The following RUFY3 variants were observed in gnomAD, a reference collection of about 807,000 sequenced individuals.
RUFY3 encodes protein RUFY3.
In RUFY3, 34 loss-of-function variants were observed where a neutral mutation model predicts 84.0. The ratio of observed to expected loss-of-function variants is 0.40; its 90% CI spans 0.31 to 0.54. The LOEUF (loss-of-function observed/expected upper bound fraction) is 0.54, where lower values mean the gene tolerates loss of function less well. Among genes scored for constraint, RUFY3 ranks in the 20% least tolerant of loss-of-function variants. The pLI is 0.39. For missense variants in RUFY3, 507 were observed against 736.8 expected (o/e 0.69, Z 3.61); for synonymous variants, 242 against 252.9 (o/e 0.96, Z 0.41).
At chr4:70,771,042 A>G (rs1421279204) in intron 5 of RUFY3, among the ~76,000 whole-genome samples, 1 of 152,170 alleles carries the variant, frequency 6.6e-6, no homozygotes, top group East Asian at 1.9e-4. Flanking sequence ...TTGCCATCTT[A>G]TATGGGCGTA....
In RUFY3 at chr4:70,778,454, G is replaced by T. The variant is rs16845439; in HGVS notation, c.894+16G>T. 68,364 of 1,465,494 alleles carry T rather than the reference G, an allele frequency of 0.047. 3,009 individuals carry two copies. The highest frequency in any genetic ancestry group is 0.21 in the East Asian group (9,216 of 43,810). The allele number at this position is 1,465,494 out of a possible 1,614,324, so 90.8% of individuals were successfully genotyped here. On this transcript the variant is annotated intron_variant, in intron 8 of 17. Coordinates refer to ENST00000381006, the MANE Select transcript of RUFY3 (RefSeq NM_001037442.4). ...GACAGAGGAGGTAAGTTTTGGAAAT[G>T]CTTTGATTGACTTATAGAATTTAAT...
At chr4:70,750,340 G>A (rs1215855280) in intron 1 of RUFY3, among the ~76,000 whole-genome samples, 2 of 152,234 alleles carry the variant, frequency 1.3e-5, no homozygotes, top group Middle Eastern at 3.4e-3. Context: ...CTCAGCACCT[G>A]TAAATCCTTC....
chr4:70,788,284 CAA>C (rs11358761), intron 10 of RUFY3, among the ~76,000 whole-genome samples: 20 of 120,532 alleles, frequency 1.7e-4, no homozygotes, highest in Admixed American at 3.5e-4. Flanking sequence ...GACTCTGTCT[CAA>C]AAAAAAAAAA....
At chr4:70,747,641 C>T (rs1722442527) in intron 1 of RUFY3, among the ~76,000 whole-genome samples, 1 of 152,198 alleles carries the variant, frequency 6.6e-6, no homozygotes, top group Non-Finnish European at 1.5e-5. Flanking sequence ...AGCATCTTTT[C>T]TCATAACTGC....
intron 1 of RUFY3, among the ~76,000 whole-genome samples, chr4:70,752,524 G>A (rs940717787): frequency 1.3e-5 from 2 of 152,108 alleles, no homozygotes; most frequent in South Asian, 2.1e-4. Context: ...TCAGTCTTTT[G>A]CCATCAAGTT....
intron 1 of RUFY3, among the ~76,000 whole-genome samples, chr4:70,711,024 AC>A (rs1740925002): frequency 6.9e-6 from 1 of 145,752 alleles, no homozygotes; most frequent in African/African-American, 2.5e-5. Flanking sequence ...AAGATCCGCC[AC>A]TACACTCCAG....
rs181163712 is a variant in RUFY3, at chr4:70,786,638, C to G, written c.1071+1759C>G. Among the ~76,000 whole-genome samples, 12 of 152,088 alleles carry G rather than the reference C, an allele frequency of 7.9e-5. No individual in the cohort carries two copies. In the East Asian group the frequency reaches 1.7e-3, roughly 22 times the overall value. ...GGTCATTACACAATTTTTATATTATCAAAACATCATGTTCTATACCATAAA... is the reference window on the plus strand; with the variant it reads ...GGTCATTACACAATTTTTATATTATGAAAACATCATGTTCTATACCATAAA... On this transcript the variant is annotated intron_variant, in intron 10 of 17. Coordinates refer to ENST00000381006, the MANE Select transcript of RUFY3 (RefSeq NM_001037442.4).
intron 1 of RUFY3, among the ~76,000 whole-genome samples, chr4:70,725,132 T>C (rs1718006928): frequency 6.6e-6 from 1 of 152,208 alleles, no homozygotes; most frequent in Admixed American, 6.5e-5. Context: ...TACTCAGCAA[T>C]AGAGGCTCTG....
Position 70,704,812 on chromosome 4 carries a change from G to A in RUFY3, c.-125G>A, listed in dbSNP as rs1219299510. 9 of 611,862 alleles carry A rather than the reference G, an allele frequency of 1.5e-5. No homozygotes were observed. The Admixed American group carries it at 3.3e-4, about 22-fold the overall frequency. 37.9% of individuals were successfully genotyped at this position (611,862 alleles called of 1,614,324 possible). On this transcript the variant is annotated 5_prime_UTR_variant, in exon 1 of 12. Transcript: ENST00000417478. ...CCAGGCGCCAGCCCGTGGCCGAGAA[G>A]AAAGGTGGCGGTGGCGGCGGCGGCG...
At chr4:70,779,130 A>T (rs16845443) in intron 8 of RUFY3, among the ~76,000 whole-genome samples, 35 of 152,312 alleles carry the variant, frequency 2.3e-4, no homozygotes, top group Non-Finnish European at 3.7e-4. Context: ...GCATTGATTT[A>T]TGTTCCAGAT....
intron 10 of RUFY3, 61 bp downstream of exon 10, chr4:70,784,940 A>T (rs909244794): frequency 1.4e-5 from 16 of 1,175,336 alleles, no homozygotes; most frequent in African/African-American, 4.7e-5. Flanking sequence ...GCCCACTTAG[A>T]GGTTTTATCA....
chr4:70,790,490 C>T (rs1730631864), intron 12 of RUFY3, among the ~76,000 whole-genome samples: 2 of 152,220 alleles, frequency 1.3e-5, no homozygotes, highest in Admixed American at 6.5e-5. Context: ...ATTCTTCCCA[C>T]TCCCTTATTC....
At position 70,792,297 on chromosome 4, in the gene RUFY3, A is replaced by G. The variant is rs981374863; in HGVS notation, c.1338-1488A>G. ...CTTTTTGTTCAGATGGGGATTTGCT[A>G]AAGGTTCTGGGAAGCTAATAATTGA... On this transcript the variant is annotated intron_variant, in intron 12 of 17. Transcript: ENST00000381006. The G allele has an allele frequency of 2.3e-5, 23 of 980,968 alleles. No individual in the cohort carries two copies. In the Admixed American group the frequency reaches 2.5e-4, roughly 10 times the overall value. 60.8% of individuals were successfully genotyped at this position (980,968 alleles called of 1,614,324 possible). A position where few individuals can be genotyped will look rare whatever the true frequency, so the allele number is the denominator to read the frequency against.
chr4:70,712,411 G>A (rs571350190), intron 1 of RUFY3, among the ~76,000 whole-genome samples: 1 of 152,310 alleles, frequency 6.6e-6, no homozygotes, highest in South Asian at 2.1e-4. Flanking sequence ...TCTTAAAGAA[G>A]CTGGTTTGAG....
intron 1 of RUFY3, among the ~76,000 whole-genome samples, chr4:70,746,233 TC>T (rs1404465442): frequency 1.3e-5 from 2 of 151,066 alleles, no homozygotes; most frequent in South Asian, 2.1e-4. Context: ...TAATCCCAGT[TC>T]CTGGGAGTCT....
intron 10 of RUFY3, among the ~76,000 whole-genome samples, chr4:70,786,273 A>G (rs775780854): frequency 1.2e-4 from 19 of 152,244 alleles, no homozygotes; most frequent in Non-Finnish European, 2.5e-4. Context: ...GAGATTGGTC[A>G]ACAGGTACAA....
chr4:70,775,674 C>G (rs913193608), intron 7 of RUFY3, among the ~76,000 whole-genome samples: 1 of 151,986 alleles, frequency 6.6e-6, no homozygotes, highest in Non-Finnish European at 1.5e-5. Context: ...TCCAGGTGTG[C>G]TGGGCCAAAG....
At chr4:70,787,589 G>A (rs1437432012) in intron 10 of RUFY3, among the ~76,000 whole-genome samples, 1 of 151,838 alleles carries the variant, frequency 6.6e-6, no homozygotes, top group Non-Finnish European at 1.5e-5. Context: ...AAAACAAAGC[G>A]ATATTATTTT....
intron 12 of RUFY3, chr4:70,791,099 CA>C (rs1730733864): frequency 7.3e-6 from 6 of 819,340 alleles, no homozygotes; most frequent in African/African-American, 1.8e-5. Context: ...TTAAAGCAAA[CA>C]GAAAGAGAAT....
Sources: allele counts gnomAD v4.1 joint callset (sites outside exome capture counted in the v4.1 genomes callset), GRCh38; gene constraint gnomAD v4.1.1; transcripts MANE v1.5; gene names NCBI Gene and HGNC (gene_info 2026-07-23, HGNC 2026-07-21).